PRTG: variants seen among roughly 807,000 people sequenced by gnomAD.
PRTG encodes the protein protogenin.
Under a neutral mutation model 122.5 loss-of-function variants are expected in PRTG, and 67 were observed. That is an observed-to-expected ratio of 0.55 (90% CI 0.45 to 0.67). The LOEUF (loss-of-function observed/expected upper bound fraction) is 0.67, where lower values mean the gene tolerates loss of function less well. Among genes scored for constraint, PRTG ranks in the 30% least tolerant of loss-of-function variants. The pLI is 0.00. For missense variants in PRTG, 1,435 were observed against 1,415.4 expected, an observed-to-expected ratio of 1.01 and a Z score of -0.22; for synonymous variants, 554 against 501.1, an observed-to-expected ratio of 1.11 and a Z score of -1.41.
chr15:55,716,918 A>C (rs1233044299), intron 2 of PRTG, among the ~76,000 whole-genome samples: 1 of 152,234 alleles, frequency 6.6e-6, no homozygotes, highest in Non-Finnish European at 1.5e-5. Flanking sequence ...GCCATTATCA[A>C]ATTAAAAAAG....
At chr15:55,682,329 C>T (rs199886528) in intron 4 of PRTG, 35 bp downstream of exon 4, 104 of 1,511,746 alleles carry the variant, frequency 6.9e-5, no homozygotes, top group Middle Eastern at 1.8e-4. Context: ...GCCAATAAAA[C>T]GTCATAAAAA....
At chr15:55,629,055 C>G in intron 15 of PRTG, 51 bp from the exon 16 acceptor site, 1 of 1,298,922 alleles carries the variant, frequency 7.7e-7, no homozygotes, top group Non-Finnish European at 1.1e-6. Flanking sequence ...TTTATTCTTT[C>G]ACTCATATTA....
At chr15:55,639,420 G>A (rs1398334987) in intron 13 of PRTG, among the ~76,000 whole-genome samples, 2 of 152,126 alleles carry the variant, frequency 1.3e-5, no homozygotes, top group Non-Finnish European at 2.9e-5. Context: ...CATGAGGCAA[G>A]GAAAATTTAA....
At chr15:55,674,127 TTAC>T (rs1310647272) in intron 9 of PRTG, among the ~76,000 whole-genome samples, 2 of 152,336 alleles carry the variant, frequency 1.3e-5, no homozygotes, top group East Asian at 3.9e-4. Flanking sequence ...GTATTCCTAA[TTAC>T]AACATATGTT....
chr15:55,738,923 AAGGAAGGAAGT>A (rs1422341107), intron 2 of PRTG, among the ~76,000 whole-genome samples: 1 of 137,702 alleles, frequency 7.3e-6, no homozygotes, highest in Admixed American at 7.3e-5. Context: ...GGGAGGGAGA[AAGGAAGGAAGT>A]AGGAAGGGAG....
At chr15:55,626,506 G>A (rs2059195672) in intron 17 of PRTG, among the ~76,000 whole-genome samples, 1 of 151,802 alleles carries the variant, frequency 6.6e-6, no homozygotes, top group South Asian at 2.1e-4. Flanking sequence ...CACTTTGGGA[G>A]GATGAGGCGG....
At chr15:55,635,074 G>GTGTGT (rs1567076962) in intron 15 of PRTG, among the ~76,000 whole-genome samples, 1,483 of 135,396 alleles carry the variant, frequency 0.011, 17 homozygotes, top group Non-Finnish European at 0.014. Flanking sequence ...GTTGGTTCTG[G>GTGTGT]GTGTGTGTGT....
intron 2 of PRTG, among the ~76,000 whole-genome samples, chr15:55,724,158 G>T (rs1389398200): frequency 6.6e-6 from 1 of 152,080 alleles, no homozygotes; most frequent in Non-Finnish European, 1.5e-5. Context: ...TCTTTTGTTA[G>T]GTGGAATGCT....
chr15:55,673,124 G>C (rs2059482211), intron 10 of PRTG, among the ~76,000 whole-genome samples: 1 of 152,100 alleles, frequency 6.6e-6, no homozygotes, highest in Non-Finnish European at 1.5e-5. Flanking sequence ...AGTTTGATTT[G>C]GACTGATCTG....
intron 17 of PRTG, among the ~76,000 whole-genome samples, chr15:55,625,012 A>C (rs945972845): frequency 6.6e-6 from 1 of 152,258 alleles, no homozygotes; most frequent in African/African-American, 2.4e-5. Context: ...TTTCATTAAC[A>C]TAATGTTTTG....
In PRTG at chr15:55,682,544, T is replaced by TTTTTTTTATTTATTTA. The variant is rs375857024; in HGVS notation, c.543-48_543-47insTAAATAAATAAAAAAA. The TTTTTTTTATTTATTTA allele has an allele frequency of 1.0e-3, 497 of 479,356 alleles. 2 individuals are homozygous for TTTTTTTTATTTATTTA. Among genetic ancestry groups the TTTTTTTTATTTATTTA allele is most frequent in the African/African-American group, 8.6e-3 (386 of 44,994 alleles). 29.7% of individuals were successfully genotyped at this position (479,356 alleles called of 1,614,324 possible). The stretch of plus-strand genomic sequence containing the variant: ...TAAACTTTTTGTAGTAGATTTCATA[T>TTTTTTTTATTTATTTA]TTTATTTATTTATTTATTTATTTAT... On this transcript the variant is annotated intron_variant, in intron 3 of 19. Transcript: ENST00000389286.
At chr15:55,638,978 ATTC>A (rs2059274068) in intron 13 of PRTG, among the ~76,000 whole-genome samples, 1 of 151,848 alleles carries the variant, frequency 6.6e-6, no homozygotes, top group Non-Finnish European at 1.5e-5. Context: ...TCATTCATTC[ATTC>A]ATTCATTCAT....
chr15:55,665,502 T>A (rs1470584476), intron 11 of PRTG, among the ~76,000 whole-genome samples: 1 of 125,100 alleles, frequency 8.0e-6, no homozygotes, highest in Non-Finnish European at 2.0e-5. Context: ...AAAAAGGTTT[T>A]TTTTGTTTTT....
rs575647324 is a variant in PRTG, at chr15:55,623,295, C to T, written c.3093+1047G>A. Among the ~76,000 whole-genome samples, 8 of 152,118 alleles carry T rather than the reference C, an allele frequency of 5.3e-5. No individual in the cohort carries two copies. The South Asian group carries it at 1.0e-3, about 20-fold the overall frequency. Reference sequence around the variant, plus strand: ...TAAAAATGTAAAAAACAGCTGGGCACGGTGGCTCACACCTGTAATCCCAGC... The same window carrying T: ...TAAAAATGTAAAAAACAGCTGGGCATGGTGGCTCACACCTGTAATCCCAGC... On this transcript the variant is annotated intron_variant, in intron 18 of 19. Transcript: ENST00000389286.
chr15:55,741,866 C>A (rs75316690), intron 1 of PRTG, among the ~76,000 whole-genome samples: 4,915 of 152,342 alleles, frequency 0.032, 108 homozygotes, highest in Non-Finnish European at 0.047. Context: ...TGAGCCACAT[C>A]TGACTTTGAT....
chr15:55,702,997 A>G, intron 2 of PRTG: 1 of 869,856 alleles, frequency 1.1e-6, no homozygotes, highest in South Asian at 5.3e-5. Flanking sequence ...TATTCAACAT[A>G]GCACAGAATC....
At chr15:55,628,021 T>C (rs915098588) in intron 16 of PRTG, among the ~76,000 whole-genome samples, 1 of 152,150 alleles carries the variant, frequency 6.6e-6, no homozygotes, top group African/African-American at 2.4e-5. Context: ...TGCTTTCCAT[T>C]TCCCCTGATA....
intron 11 of PRTG, among the ~76,000 whole-genome samples, chr15:55,671,093 T>C (rs148361775): frequency 6.6e-6 from 1 of 152,212 alleles, no homozygotes; most frequent in Admixed American, 6.5e-5. Context: ...GAAAACTGCA[T>C]AGAACCACAG....
chr15:55,701,630 G>A (rs193286901), intron 2 of PRTG, among the ~76,000 whole-genome samples: 1 of 152,292 alleles, frequency 6.6e-6, no homozygotes, highest in African/African-American at 2.4e-5. Flanking sequence ...GTCTGTATGA[G>A]ACAGTTTAGG....
Sources: allele counts gnomAD v4.1 joint callset (sites outside exome capture counted in the v4.1 genomes callset), GRCh38; gene constraint gnomAD v4.1.1; transcripts MANE v1.5; gene names NCBI Gene and HGNC (gene_info 2026-07-23, HGNC 2026-07-21).